The following SPTLC3 variants were observed in gnomAD, a reference collection of about 807,000 sequenced individuals.
SPTLC3 encodes the protein serine palmitoyltransferase 3.
Under a neutral mutation model 59.3 loss-of-function variants are expected in SPTLC3, and 36 were observed. The ratio of observed to expected loss-of-function variants is 0.61; its 90% CI spans 0.47 to 0.80. The LOEUF (loss-of-function observed/expected upper bound fraction) is 0.80, where lower values mean the gene tolerates loss of function less well. SPTLC3 is among the 30% of genes least tolerant of loss of function. SPTLC3 has a pLI of 0.00. For missense variants in SPTLC3, 625 were observed against 685.1 expected (o/e 0.91, Z 0.98); for synonymous variants, 257 against 240.8 (o/e 1.07, Z -0.62).
chr20:13,074,460 G>A lies in SPTLC3; in HGVS notation c.570G>A (p.Val190=), dbSNP rs1449656861. 6.2e-7 allele frequency: 1 copy of A among 1,614,100 alleles called. No individual in the cohort carries two copies. Among genetic ancestry groups the A allele is most frequent in the South Asian group, 1.1e-5 (1 of 91,084 alleles). Residue 190 remains valine (V), a synonymous_variant, in exon 4 of 12, where the codon GTG becomes GTA. Transcript: ENST00000399002. ...SMRTIKDVLE[V]YGTGVASTRH... ...GGACAATAAAGGATGTTTTAGAGGT[G>A]TATGGCACAGGCGTGGCCAGCACCA...
intron 4 of SPTLC3, among the ~76,000 whole-genome samples, chr20:13,076,182 G>A (rs1319760496): frequency 2.0e-5 from 3 of 152,158 alleles, no homozygotes; most frequent in Non-Finnish European, 4.4e-5. Context: ...TAGAATGACT[G>A]AAACATGAAT....
chr20:13,126,120 C>A (rs1272398011), intron 8 of SPTLC3, among the ~76,000 whole-genome samples: 1 of 152,196 alleles, frequency 6.6e-6, no homozygotes, highest in Non-Finnish European at 1.5e-5. Context: ...GACCCTCTCT[C>A]TTTCCTCTGC....
chr20:13,129,528 C>G (rs2038073194), intron 9 of SPTLC3, among the ~76,000 whole-genome samples: 1 of 152,186 alleles, frequency 6.6e-6, no homozygotes. Flanking sequence ...TAGAATTATT[C>G]TTTGGTCTTG....
chr20:13,147,447 A>T lies in SPTLC3; in HGVS notation c.1280-6556A>T, dbSNP rs576891379. Among the ~76,000 whole-genome samples the T allele has an allele frequency of 3.3e-5, 5 of 152,154 alleles. No homozygotes were observed. The East Asian group carries it at 9.7e-4, about 29-fold the overall frequency. Reference sequence around the variant, plus strand: ...ATGTCCTGTCTAGTGTTCAGTGCTTAAAATAACAGACGCTGGCTTCCTGCT... The same window carrying T: ...ATGTCCTGTCTAGTGTTCAGTGCTTTAAATAACAGACGCTGGCTTCCTGCT... On this transcript the variant is annotated intron_variant, in intron 9 of 11. Transcript: ENST00000399002.
In SPTLC3 at chr20:13,090,827, AATGT is replaced by A. The variant is rs928968748; in HGVS notation, c.608-255_608-252del. 9.8e-5 allele frequency among the ~76,000 whole-genome samples: 15 copies of A among 152,326 alleles called. 1 individual carries two copies. The highest frequency in any genetic ancestry group is 3.6e-4 in the African/African-American group (15 of 41,570). On this transcript the variant is annotated intron_variant, in intron 4 of 11. Coordinates refer to ENST00000399002, the MANE Select transcript of SPTLC3 (RefSeq NM_018327.4). ...CAACAGATTTGTGAGATTTATCCAC[AATGT>A]TGTGTGGAGCAGTAGTTCATTCTTT...
chr20:13,145,772 A>G (rs1393040221), intron 9 of SPTLC3, among the ~76,000 whole-genome samples: 3 of 152,200 alleles, frequency 2.0e-5, no homozygotes, highest in Non-Finnish European at 2.9e-5. Flanking sequence ...AAACAGCATG[A>G]TACTGGTAAG....
Position 13,165,465 on chromosome 20 carries a change from A to C in SPTLC3, c.*598A>C, listed in dbSNP as rs1456226764. On this transcript the variant is annotated 3_prime_UTR_variant, in exon 12 of 12. Coordinates refer to ENST00000399002, the MANE Select transcript of SPTLC3 (RefSeq NM_018327.4). ...TGTTTCGAGGGGGAAAGCAGAACTG[A>C]TCAACTGCGACTAGAGACGTCTTTG... 2 of 152,206 alleles carry C rather than the reference A, an allele frequency of 1.3e-5. No homozygotes were observed. The highest frequency in any genetic ancestry group is 2.9e-5 in the Non-Finnish European group (2 of 68,032). The allele number at this position is 152,206 out of a possible 1,614,324, so 9.4% of individuals were successfully genotyped here.
intron 1 of SPTLC3, among the ~76,000 whole-genome samples, chr20:13,013,092 G>A (rs970576795): frequency 6.6e-6 from 1 of 152,156 alleles, no homozygotes; most frequent in African/African-American, 2.4e-5. Flanking sequence ...AGCCTTCATC[G>A]CAGACAGTGA....
At position 13,166,498 on chromosome 20, in the gene SPTLC3, A is replaced by G. The variant is rs1286315751; in HGVS notation, c.*1631A>G. ...GAAAAGAAGTGGGTTCTGAAAATGCAGTTTCCCATCCAATGATTTTGATAA... is the reference window on the plus strand; with the variant it reads ...GAAAAGAAGTGGGTTCTGAAAATGCGGTTTCCCATCCAATGATTTTGATAA... On this transcript the variant is annotated 3_prime_UTR_variant, in exon 12 of 12. Transcript: ENST00000399002. The G allele has an allele frequency of 2.6e-5, 4 of 152,204 alleles. No individual in the cohort carries two copies. The highest frequency in any genetic ancestry group is 9.7e-5 in the African/African-American group (4 of 41,442). The allele number at this position is 152,204 out of a possible 1,614,324, so 9.4% of individuals were successfully genotyped here. A position where few individuals can be genotyped will look rare whatever the true frequency, so the allele number is the denominator to read the frequency against.
chr20:13,128,772 C>A (rs1328707884), intron 9 of SPTLC3, among the ~76,000 whole-genome samples: 3 of 151,858 alleles, frequency 2.0e-5, no homozygotes, highest in African/African-American at 7.3e-5. Context: ...CTCACTACAA[C>A]CTCCACCTCC....
intron 4 of SPTLC3, among the ~76,000 whole-genome samples, chr20:13,080,639 TA>T (rs200454725): frequency 4.0e-5 from 6 of 151,238 alleles, no homozygotes; most frequent in South Asian, 2.1e-4. Flanking sequence ...TGACAAAAGT[TA>T]AAAAAAAATA....
intron 2 of SPTLC3, among the ~76,000 whole-genome samples, chr20:13,070,607 C>T (rs567434348): frequency 6.6e-6 from 1 of 152,250 alleles, no homozygotes; most frequent in Non-Finnish European, 1.5e-5. Flanking sequence ...AGGCTCACTC[C>T]CAATTATTCA....
chr20:13,028,625 T>C (rs1401518721), intron 1 of SPTLC3, among the ~76,000 whole-genome samples: 1 of 152,200 alleles, frequency 6.6e-6, no homozygotes, highest in Non-Finnish European at 1.5e-5. Flanking sequence ...AAAATTTTCA[T>C]ACATGTCTTT....
intron 1 of SPTLC3, among the ~76,000 whole-genome samples, chr20:13,012,220 GA>G (rs200607961): frequency 5.0e-4 from 76 of 151,152 alleles, no homozygotes; most frequent in East Asian, 3.9e-3. Flanking sequence ...CCTGCAGGAT[GA>G]AAAAAAAATT....
At chr20:13,160,713 G>T (rs181018308) in intron 11 of SPTLC3, among the ~76,000 whole-genome samples, 3 of 152,324 alleles carry the variant, frequency 2.0e-5, no homozygotes, top group East Asian at 3.9e-4. Flanking sequence ...ATGCAGTTTT[G>T]CAAACACTAT....
chr20:13,118,100 A>G (rs1176584500), intron 8 of SPTLC3, among the ~76,000 whole-genome samples: 1 of 152,178 alleles, frequency 6.6e-6, no homozygotes, highest in South Asian at 2.1e-4. Flanking sequence ...AGAGAGAATA[A>G]TGTATACCAA....
chr20:13,135,836 TTC>T lies in SPTLC3; in HGVS notation c.1279+9126_1279+9127del, dbSNP rs780946950. ...ATCATAATGTCTCTGACTTAATCAA[TTC>T]TCTCTCAGCTATTACCTCAGTGCCA... On this transcript the variant is annotated intron_variant, in intron 9 of 11. Coordinates refer to ENST00000399002, the MANE Select transcript of SPTLC3 (RefSeq NM_018327.4). Among the ~76,000 whole-genome samples, 12 of 152,250 alleles carry T rather than the reference TTC, an allele frequency of 7.9e-5. No individual in the cohort carries two copies. The East Asian group carries it at 1.3e-3, about 17-fold the overall frequency.
chr20:13,028,980 G>A (rs1405302209), intron 1 of SPTLC3, among the ~76,000 whole-genome samples: 1 of 152,186 alleles, frequency 6.6e-6, no homozygotes, highest in Admixed American at 6.5e-5. Context: ...AGACATGCCT[G>A]TGCCCTTTGC....
intron 1 of SPTLC3, among the ~76,000 whole-genome samples, chr20:13,040,557 A>G (rs1295233757): frequency 1.3e-5 from 2 of 152,038 alleles, no homozygotes; most frequent in Non-Finnish European, 2.9e-5. Flanking sequence ...ACAGGGTTTC[A>G]CCATGTTGGC....
Sources: gnomAD v4.1 joint callset for allele counts (sites outside exome capture counted in the v4.1 genomes callset) on GRCh38, gnomAD v4.1.1 for gene constraint, MANE v1.5 for transcripts, NCBI Gene and HGNC (gene_info 2026-07-23, HGNC 2026-07-21) for gene names.